DZIP1L: variants seen among roughly 807,000 people sequenced by gnomAD.
The protein encoded by DZIP1L is cilium assembly protein DZIP1L.
DZIP1L carries 90 observed loss-of-function variants against 88.7 expected under a neutral mutation model. The observed-to-expected ratio is 1.02, with a 90% CI of 0.86 to 1.21. The LOEUF is 1.21. Among genes scored for constraint, DZIP1L ranks in the 50% most tolerant of loss-of-function variants. The probability of loss-of-function intolerance (pLI) is 0.00; values close to 1 mark genes in which losing one functional copy is unlikely to be tolerated. For missense variants in DZIP1L, 932 were observed against 955.8 expected, an observed-to-expected ratio of 0.98 and a Z score of 0.33; for synonymous variants, 363 against 372.1, an observed-to-expected ratio of 0.98 and a Z score of 0.28.
At chr3:138,112,928 CAG>C (rs113726660) in intron 1 of DZIP1L, among the ~76,000 whole-genome samples, 4,066 of 152,156 alleles carry the variant, frequency 0.027, 190 homozygotes, top group African/African-American at 0.094. Flanking sequence ...GCCTGGGCGA[CAG>C]AGTGAGACTT....
rs769616525 is a variant in DZIP1L, at chr3:138,088,432, A to G, written c.946T>C (p.Trp316Arg). 7 of 1,613,536 alleles carry G rather than the reference A, an allele frequency of 4.3e-6. No individual in the cohort carries two copies. Among genetic ancestry groups the G allele is most frequent in the Non-Finnish European group, 5.9e-6 (7 of 1,179,846 alleles). The change falls in exon 6 of 16, where the codon TGG (tryptophan) becomes CGG (arginine). Residue 316 changes from tryptophan (W) to arginine (R), a missense_variant. Trp to Arg is a moderately radical substitution (Grantham distance 101). Transcript: ENST00000327532. Reference protein sequence around the residue: ...GSLRDEESEEWLRQARELQAL... With the variant: ...GSLRDEESEERLRQARELQAL... ...TGAAGCTCCCGTGCCTGCCGAAGCCACTCCTCTGACTCCTCATCTCGCAGT... is the reference window on the plus strand; with the variant it reads ...TGAAGCTCCCGTGCCTGCCGAAGCCGCTCCTCTGACTCCTCATCTCGCAGT...
At position 138,068,294 on chromosome 3, in the gene DZIP1L, T is replaced by C. The variant is rs1191321853; in HGVS notation, c.1689A>G (p.Pro563=). 1.9e-6 allele frequency: 3 copies of C among 1,595,748 alleles called. No individual in the cohort carries two copies. Among genetic ancestry groups the C allele is most frequent in the Non-Finnish European group, 1.7e-6 (2 of 1,170,148 alleles). Residue 563 remains proline, a synonymous_variant, in exon 13 of 16, where the codon CCA becomes CCG. Transcript: ENST00000327532. The stretch of plus-strand genomic sequence containing the variant: ...GTGGGGGTGGCTCTGCCGGTGTGGA[T>C]GGCAAGGCCACCTGCAGGGTCCTGG... ...PKTRTLQVAL[P]STPAEPPPPT... is the part of the protein sequence containing the mutation.
chr3:138,082,038 GC>G (rs1008164218), intron 8 of DZIP1L, among the ~76,000 whole-genome samples: 3 of 152,236 alleles, frequency 2.0e-5, no homozygotes, highest in African/African-American at 4.8e-5. Context: ...GAGGGCAGGA[GC>G]CCCATAGAAA....
chr3:138,087,140 A>G (rs1224205040), intron 6 of DZIP1L, 117 bp from the exon 7 acceptor site: 1 of 844,584 alleles, frequency 1.2e-6, no homozygotes, highest in Non-Finnish European at 1.9e-6. Flanking sequence ...GTGGAATAGA[A>G]TAGAAAATCC....
chr3:138,065,951 G>A (rs764385030), intron 14 of DZIP1L, among the ~76,000 whole-genome samples: 1 of 152,176 alleles, frequency 6.6e-6, no homozygotes, highest in Non-Finnish European at 1.5e-5. Flanking sequence ...AAAATAATAC[G>A]TTTAACGAAT....
intron 1 of DZIP1L, chr3:138,108,096 G>A (rs1287049340): frequency 1.9e-6 from 1 of 534,830 alleles, no homozygotes; most frequent in Admixed American, 6.4e-5. Context: ...TCATTCTCCT[G>A]CCTCAGCCTC....
chr3:138,114,359 T>A (rs1476098314), intron 1 of DZIP1L, among the ~76,000 whole-genome samples: 4 of 151,950 alleles, frequency 2.6e-5, no homozygotes, highest in African/African-American at 9.7e-5. Flanking sequence ...GCATACAACT[T>A]CATGAGGTAT....
chr3:138,075,297 C>T (rs534870724), intron 11 of DZIP1L, among the ~76,000 whole-genome samples: 1 of 152,270 alleles, frequency 6.6e-6, no homozygotes, highest in East Asian at 1.9e-4. Context: ...TAACCTAGAA[C>T]AAATAGACTT....
chr3:138,088,812 T>C, intron 5 of DZIP1L: 1 of 1,030,706 alleles, frequency 9.7e-7, no homozygotes, highest in South Asian at 3.9e-5. Context: ...TGCTGCCCCA[T>C]TTCTTCCTCA....
chr3:138,063,006 G>T lies in DZIP1L; in HGVS notation c.2143-29C>A, dbSNP rs756628146. 14 of 1,610,430 alleles carry T rather than the reference G, an allele frequency of 8.7e-6. No individual in the cohort carries two copies. Among genetic ancestry groups the T allele is most frequent in the Admixed American group, 1.7e-5 (1 of 59,942 alleles). ...CAGGGGGTAAAGGGGAGAAGAAAATGCATTTTGATAAGGGAGGAGGGTGGC... is the reference window on the plus strand; with the variant it reads ...CAGGGGGTAAAGGGGAGAAGAAAATTCATTTTGATAAGGGAGGAGGGTGGC... On this transcript the variant is annotated intron_variant, in intron 15 of 15. Transcript: ENST00000327532. This position sits in a 1 kb window ranked among gnomAD's most constrained non-coding sequence, Gnocchi z 4.1.
intron 11 of DZIP1L, among the ~76,000 whole-genome samples, chr3:138,076,793 C>A (rs1272462799): frequency 1.3e-5 from 2 of 152,102 alleles, no homozygotes; most frequent in African/African-American, 4.8e-5. Flanking sequence ...AAAGGCTACA[C>A]ACTGGGTACA....
intron 15 of DZIP1L, chr3:138,064,374 T>G: frequency 4.5e-6 from 6 of 1,330,524 alleles, no homozygotes; most frequent in Admixed American, 6.2e-5. Context: ...AGGCAGGAGA[T>G]GGGACAATCA....
intron 3 of DZIP1L, among the ~76,000 whole-genome samples, chr3:138,095,562 C>A (rs1025273222): frequency 6.6e-6 from 1 of 152,128 alleles, no homozygotes; most frequent in African/African-American, 2.4e-5. Context: ...AGGCTGATCA[C>A]TAGGTCAGGA....
intron 1 of DZIP1L, among the ~76,000 whole-genome samples, chr3:138,105,106 CAA>C (rs1491200264): frequency 1.3e-5 from 2 of 152,026 alleles, no homozygotes; most frequent in Admixed American, 6.6e-5. Flanking sequence ...TGATAATCTC[CAA>C]TATATATATA....
intron 12 of DZIP1L, among the ~76,000 whole-genome samples, chr3:138,070,703 A>C (rs945409111): frequency 1.3e-5 from 2 of 152,184 alleles, no homozygotes; most frequent in African/African-American, 4.8e-5. Flanking sequence ...TACTCTGCAA[A>C]ATTTTTTTGC....
intron 12 of DZIP1L, 101 bp from the exon 13 acceptor site, chr3:138,068,468 T>C (rs1943019135): frequency 3.6e-6 from 3 of 836,240 alleles, no homozygotes; most frequent in Non-Finnish European, 5.2e-6. Context: ...AATGAACAAT[T>C]ACTCCCTCTC....
chr3:138,066,086 T>C (rs1208576527), intron 14 of DZIP1L, among the ~76,000 whole-genome samples: 1 of 152,244 alleles, frequency 6.6e-6, no homozygotes, highest in Non-Finnish European at 1.5e-5. Context: ...TGAAACAGGC[T>C]GCATGGCCCA....
chr3:138,086,804 C>T (rs1943961632), intron 7 of DZIP1L, among the ~76,000 whole-genome samples, 157 bp downstream of exon 7: 1 of 152,152 alleles, frequency 6.6e-6, no homozygotes, highest in South Asian at 2.1e-4. Context: ...CTTCTGTGTA[C>T]TGATGGGGAC....
At chr3:138,083,504 G>T (rs1449848860) in intron 8 of DZIP1L, among the ~76,000 whole-genome samples, 1 of 152,182 alleles carries the variant, frequency 6.6e-6, no homozygotes, top group Admixed American at 6.5e-5. Context: ...GTCAGCAACA[G>T]GTAAAGAGTC....
Sources: gnomAD v4.1 joint callset for allele counts (sites outside exome capture counted in the v4.1 genomes callset) on GRCh38, gnomAD v4.1.1 for gene constraint, Gnocchi (gnomAD v3.1) non-coding constraint, MANE v1.5 for transcripts, NCBI Gene and HGNC (gene_info 2026-07-23, HGNC 2026-07-21) for gene names.